Variants in TXLNB observed in about 807,000 individuals in gnomAD.
The protein encoded by TXLNB is beta-taxilin.
In TXLNB, 37 loss-of-function variants were observed where a neutral mutation model predicts 57.4. The observed-to-expected ratio is 0.64, with a 90% confidence interval of 0.50 to 0.85. TXLNB has a LOEUF of 0.85. Ranked by LOEUF, TXLNB falls within the 40% of genes least tolerant of loss-of-function variation. The pLI, the probability that TXLNB is intolerant of heterozygous loss-of-function variation, is 0.00. For missense variants in TXLNB, 848 were observed against 825.6 expected, an observed-to-expected ratio of 1.03 and a Z score of -0.33; for synonymous variants, 302 against 309.6, an observed-to-expected ratio of 0.98 and a Z score of 0.26.
At chr6:139,226,326 A>G in the TXLNB span, among the ~76,000 whole-genome samples, 234 of 85,248 alleles carry the variant, frequency 2.7e-3, no homozygotes, top group African/African-American at 7.3e-3. Flanking sequence ...AAAAAAAAAA[A>G]AGAGATAGAG....
intron 1 of TXLNB, among the ~76,000 whole-genome samples, chr6:139,289,971 C>T (rs1285458397): frequency 6.6e-6 from 1 of 152,178 alleles, no homozygotes; most frequent in Admixed American, 6.5e-5. Flanking sequence ...AGACATTTCT[C>T]ACTTTTCTGG....
chr6:139,298,623 G>C, the TXLNB span, among the ~76,000 whole-genome samples: 190 of 152,234 alleles, frequency 1.2e-3, no homozygotes, highest in African/African-American at 4.4e-3. Flanking sequence ...GGCTACTATG[G>C]GCTGCAGCAA....
Position 139,242,002 on chromosome 6 carries a change from T to C in TXLNB, c.*524A>G, listed in dbSNP as rs1465750442. ...ATATACATATAGATACGTGCATATA[T>C]GTATATAAACAAATATTCACACATC... On this transcript the variant is annotated 3_prime_UTR_variant, in exon 10 of 10. Transcript: ENST00000358430. 4 of 152,184 alleles carry C rather than the reference T, an allele frequency of 2.6e-5. No individual in the cohort carries two copies. The East Asian group carries it at 7.7e-4, about 29-fold the overall frequency. 9.4% of individuals were successfully genotyped at this position (152,184 alleles called of 1,614,324 possible). A position where few individuals can be genotyped will look rare whatever the true frequency, so the allele number is the denominator to read the frequency against.
At chr6:139,316,376 A>G in the TXLNB span, among the ~76,000 whole-genome samples, 14 of 152,158 alleles carry the variant, frequency 9.2e-5, no homozygotes, top group African/African-American at 2.7e-4. Flanking sequence ...GTGATGTTTG[A>G]TCACCCTGGC....
the TXLNB span, among the ~76,000 whole-genome samples, chr6:139,160,508 G>A: frequency 6.6e-6 from 1 of 152,134 alleles, no homozygotes; most frequent in African/African-American, 2.4e-5. Flanking sequence ...CAATTTCCTC[G>A]ACTCACTTGA....
At chr6:139,289,028 C>A in intron 1 of TXLNB, 115 bp from the exon 2 acceptor site, 1 of 761,656 alleles carries the variant, frequency 1.3e-6, no homozygotes, top group Non-Finnish European at 2.0e-6. Flanking sequence ...TAGTCTCTAA[C>A]GTAGAGAAAG....
upstream of TXLNB, among the ~76,000 whole-genome samples, chr6:139,294,567 G>T (rs1389270541): frequency 1.3e-5 from 2 of 152,158 alleles, no homozygotes; most frequent in Non-Finnish European, 2.9e-5. Context: ...AGGTCTGAAA[G>T]AAACCCCTTA....
At chr6:139,311,736 T>C in the TXLNB span, among the ~76,000 whole-genome samples, 1 of 152,176 alleles carries the variant, frequency 6.6e-6, no homozygotes, top group Non-Finnish European at 1.5e-5. Flanking sequence ...CGTCTGCAGC[T>C]CCACCTGAAC....
chr6:139,255,500 C>T (rs1776312703), intron 7 of TXLNB, 64 bp downstream of exon 7: 1 of 1,441,282 alleles, frequency 6.9e-7, no homozygotes, highest in Non-Finnish European at 9.8e-7. Context: ...CCACCTTTGG[C>T]CCCAGCCTTT....
At chr6:139,164,080 A>ACACTCTCTCT in the TXLNB span, among the ~76,000 whole-genome samples, 6 of 148,068 alleles carry the variant, frequency 4.1e-5, no homozygotes, top group African/African-American at 1.2e-4. Flanking sequence ...ACACACACAC[A>ACACTCTCTCT]CTCTCTCTCT....
chr6:139,323,387 A>G, the TXLNB span, among the ~76,000 whole-genome samples: 81 of 151,818 alleles, frequency 5.3e-4, no homozygotes, highest in African/African-American at 1.9e-3. Context: ...AGTTCAAGCA[A>G]TTCTCCTGCC....
At chr6:139,307,797 ATG>A in the TXLNB span, among the ~76,000 whole-genome samples, 3 of 152,194 alleles carry the variant, frequency 2.0e-5, no homozygotes, top group African/African-American at 4.8e-5. Context: ...TGGCTTCATT[ATG>A]AAAGACTAAG....
chr6:139,198,897 C>T, the TXLNB span, among the ~76,000 whole-genome samples: 1 of 152,064 alleles, frequency 6.6e-6, no homozygotes, highest in Admixed American at 6.6e-5. Flanking sequence ...CCTGTCCATA[C>T]CTCTATAAAT....
At chr6:139,216,077 G>C in the TXLNB span, among the ~76,000 whole-genome samples, 1 of 152,032 alleles carries the variant, frequency 6.6e-6, no homozygotes, top group Non-Finnish European at 1.5e-5. Context: ...GATTCCTCAG[G>C]GATCTAGAAC....
chr6:139,174,149 T>C, the TXLNB span, among the ~76,000 whole-genome samples: 2 of 152,232 alleles, frequency 1.3e-5, no homozygotes, highest in African/African-American at 4.8e-5. Context: ...AAAAGTGAAT[T>C]GAAGCCAAGT....
At chr6:139,320,718 A>G in the TXLNB span, among the ~76,000 whole-genome samples, 4,639 of 152,154 alleles carry the variant, frequency 0.03, 235 homozygotes, top group African/African-American at 0.11. Flanking sequence ...GGCAGAGACA[A>G]GTTATCAACT....
At chr6:139,236,399 C>T (rs761743388), downstream of TXLNB, among the ~76,000 whole-genome samples, 4 of 152,136 alleles carry the variant, frequency 2.6e-5, no homozygotes, top group East Asian at 1.9e-4. Context: ...ACCAAAGAAG[C>T]GAGCCACACC....
At chr6:139,214,032 C>T in the TXLNB span, among the ~76,000 whole-genome samples, 2 of 152,094 alleles carry the variant, frequency 1.3e-5, no homozygotes, top group African/African-American at 4.8e-5. Flanking sequence ...GATTCACAGC[C>T]GAATTCTACC....
chr6:139,211,849 C>T, the TXLNB span, among the ~76,000 whole-genome samples: 3,425 of 152,156 alleles, frequency 0.023, 132 homozygotes, highest in African/African-American at 0.078. Flanking sequence ...CCTCAGTAAC[C>T]GATGCGATCA....
Sources: gnomAD v4.1 joint callset for allele counts (sites outside exome capture counted in the v4.1 genomes callset) on GRCh38, gnomAD v4.1.1 for gene constraint, MANE v1.5 for transcripts, NCBI Gene and HGNC (gene_info 2026-07-23, HGNC 2026-07-21) for gene names.